Variants in SUPT5H observed in about 807,000 individuals in gnomAD.
The protein encoded by SUPT5H is transcription elongation factor SPT5.
In SUPT5H, 24 loss-of-function variants were observed where a neutral mutation model predicts 142.5. The ratio of observed to expected loss-of-function variants is 0.17; its 90% confidence interval spans 0.12 to 0.24. The LOEUF (loss-of-function observed/expected upper bound fraction) is 0.24. Among genes scored for constraint, SUPT5H ranks in the 10% least tolerant of loss-of-function variants. The pLI is 1.00. For missense variants in SUPT5H, 893 were observed against 1,471.8 expected (o/e 0.61, Z 6.43); for synonymous variants, 546 against 553.0 (o/e 0.99, Z 0.18).
At chr19:39,471,760 T>C (rs1600723868) in intron 20 of SUPT5H, 30 bp downstream of exon 20, 2 of 1,603,120 alleles carry the variant, frequency 1.2e-6, no homozygotes, top group Admixed American at 1.7e-5. Flanking sequence ...ACCCTGTGCG[T>C]TGGGTACCTG....
intron 2 of SUPT5H, among the ~76,000 whole-genome samples, chr19:39,448,182 T>C (rs1231741968): frequency 5.3e-5 from 8 of 152,232 alleles, no homozygotes; most frequent in Non-Finnish European, 8.8e-5. Context: ...TTCATGTGGC[T>C]GTGTTCTGGA....
At chr19:39,475,501 G>A (rs2079392605) in intron 28 of SUPT5H, among the ~76,000 whole-genome samples, 1 of 151,692 alleles carries the variant, frequency 6.6e-6, no homozygotes, top group African/African-American at 2.4e-5. Context: ...AGCCATGAAG[G>A]AATCTAAGCA....
Position 39,470,650 on chromosome 19 carries a change from A to G in SUPT5H, c.1677+127A>G, listed in dbSNP as rs2079306577. 3.6e-6 allele frequency: 4 copies of G among 1,100,890 alleles called. No homozygotes were observed. In the Admixed American group the frequency reaches 8.5e-5, roughly 24 times the overall value. 68.2% of individuals were successfully genotyped at this position (1,100,890 alleles called of 1,614,324 possible). The stretch of plus-strand genomic sequence containing the variant: ...TTGCAGATCTGGCTCTGTCACTTAC[A>G]TCTGAATGGCTGATAGTGGGCACAT... On this transcript the variant is annotated intron_variant, in intron 18 of 29. Transcript: ENST00000432763. The surrounding 1 kb of genome is among the most constrained non-coding windows in gnomAD (Gnocchi z 5.8).
chr19:39,469,505 G>T lies in SUPT5H; in HGVS notation c.1374+107G>T, dbSNP rs774280525. On this transcript the variant is annotated intron_variant, in intron 16 of 29. Coordinates refer to ENST00000432763, the MANE Select transcript of SUPT5H (RefSeq NM_001111020.3). This position sits in a 1 kb window ranked among gnomAD's most constrained non-coding sequence, Gnocchi z 5.1. ...CTGGTGACACCTGGTTTCCAGGAGG[G>T]TAAGTTGAGGCCCTTCTAGCATTCT... 13 of 1,503,176 alleles carry T rather than the reference G, an allele frequency of 8.6e-6. No homozygotes were observed. The highest frequency in any genetic ancestry group is 1.1e-5 in the Non-Finnish European group (12 of 1,103,726). 93.1% of individuals were successfully genotyped at this position (1,503,176 alleles called of 1,614,324 possible). A position where few individuals can be genotyped will look rare whatever the true frequency, so the allele number is the denominator to read the frequency against.
At chr19:39,468,946 T>G (rs1341744034) in intron 14 of SUPT5H, 85 bp downstream of exon 14, 3 of 1,544,792 alleles carry the variant, frequency 1.9e-6, no homozygotes, top group East Asian at 4.5e-5. Context: ...GTTATCTGGT[T>G]CTGTCCCACT....
intron 2 of SUPT5H, among the ~76,000 whole-genome samples, chr19:39,447,748 T>C (rs2078971624): frequency 6.6e-6 from 1 of 152,196 alleles, no homozygotes; most frequent in Non-Finnish European, 1.5e-5. Context: ...TTATTTTTGT[T>C]TTATTTGTTT....
intron 3 of SUPT5H, among the ~76,000 whole-genome samples, chr19:39,455,593 C>T (rs2079077047): frequency 6.8e-6 from 1 of 148,146 alleles, no homozygotes. Context: ...ATAGTGGTGG[C>T]GGGGTGGATT....
chr19:39,460,535 T>C (rs878754), intron 10 of SUPT5H, among the ~76,000 whole-genome samples: 91,070 of 151,950 alleles, frequency 0.6, 28,083 homozygotes, highest in African/African-American at 0.74. Flanking sequence ...GTCAGGAGTT[T>C]GAGACCAGCC....
In SUPT5H at chr19:39,470,631, A is replaced by C. The variant is rs1181351498; in HGVS notation, c.1677+108A>C. The C allele has an allele frequency of 5.4e-6, 7 of 1,290,858 alleles. No individual in the cohort carries two copies. Among genetic ancestry groups the C allele is most frequent in the South Asian group, 1.8e-5 (1 of 55,628 alleles). 80.0% of individuals were successfully genotyped at this position (1,290,858 alleles called of 1,614,324 possible). Reference sequence around the variant, plus strand: ...GCCCCCAGACTGCTCTGGGTTGCAGATCTGGCTCTGTCACTTACATCTGAA... The same window carrying C: ...GCCCCCAGACTGCTCTGGGTTGCAGCTCTGGCTCTGTCACTTACATCTGAA... On this transcript the variant is annotated intron_variant, in intron 18 of 29. Transcript: ENST00000432763. The surrounding 1 kb of genome is among the most constrained non-coding windows in gnomAD (Gnocchi z 5.8).
intron 18 of SUPT5H, 86 bp from the exon 19 acceptor site, chr19:39,471,271 A>G: frequency 6.6e-7 from 1 of 1,514,550 alleles, no homozygotes; most frequent in South Asian, 1.2e-5. Context: ...TCCCACAAGG[A>G]AGGATTATCC....
chr19:39,471,220 C>A, intron 18 of SUPT5H, 137 bp from the exon 19 acceptor site: 1 of 1,063,194 alleles, frequency 9.4e-7, no homozygotes, highest in Non-Finnish European at 1.4e-6. Context: ...GCCTGCCCCG[C>A]AGCCAGGGAA....
chr19:39,452,365 G>T (rs1529732), intron 2 of SUPT5H, among the ~76,000 whole-genome samples: 92,938 of 151,594 alleles, frequency 0.61, 29,644 homozygotes, highest in African/African-American at 0.8. Context: ...AGGGAGAGAG[G>T]GCATGGAGGG....
chr19:39,468,996 A>G (rs1320712797), intron 14 of SUPT5H, 83 bp from the exon 15 acceptor site: 1 of 1,576,438 alleles, frequency 6.3e-7, no homozygotes, highest in Admixed American at 1.7e-5. Flanking sequence ...TTATTCCCCT[A>G]GGACCCACTC....
In SUPT5H at chr19:39,445,911, C is replaced by T. The variant is rs1342895456; in HGVS notation, c.21C>T (p.Ser7=). The T allele has an allele frequency of 1.2e-6, 2 of 1,613,568 alleles. No homozygotes were observed. Among genetic ancestry groups the T allele is most frequent in the East Asian group, 2.2e-5 (1 of 44,898 alleles). MSDSED[S]NFSEEEDSER... ...GGAAGATGTCGGACAGCGAGGACAG[C>T]AACTTTTCCGAGGAGGAGGACAGCG... is the stretch of plus-strand genomic sequence containing the variant. The change falls in exon 2 of 30, where the codon AGC becomes AGT. Residue 7 remains serine, a synonymous_variant. Coordinates refer to ENST00000432763, the MANE Select transcript of SUPT5H (RefSeq NM_001111020.3).
chr19:39,448,180 G>A (rs765483187), intron 2 of SUPT5H, among the ~76,000 whole-genome samples: 2 of 152,186 alleles, frequency 1.3e-5, no homozygotes, highest in Non-Finnish European at 2.9e-5. Context: ...ATTTCATGTG[G>A]CTGTGTTCTG....
At position 39,476,670 on chromosome 19, in the gene SUPT5H, A is replaced by G; in HGVS notation, c.*271A>G. ...ATAAAAAGAAGCTGTTTGGTCTAAA[A>G]GTGCGTGTGTGTGTGTGTGTGTGTG... is the stretch of plus-strand genomic sequence containing the variant. On this transcript the variant is annotated 3_prime_UTR_variant, in exon 30 of 30. Transcript: ENST00000432763. 2.9e-6 allele frequency: 1 copy of G among 342,944 alleles called. No homozygotes were observed. The highest frequency in any genetic ancestry group is 8.5e-4 in the Middle Eastern group (1 of 1,170). 21.2% of individuals were successfully genotyped at this position (342,944 alleles called of 1,614,324 possible).
chr19:39,474,848 C>G lies in SUPT5H; in HGVS notation c.3024+130C>G. ...GCTGGGATTGAGGAAGCCTAGAGGG[C>G]AAGGGGAGCTATGTGAACCCAAAGG... On this transcript the variant is annotated intron_variant, in intron 28 of 29. Coordinates refer to ENST00000432763, the MANE Select transcript of SUPT5H (RefSeq NM_001111020.3). This position sits in a 1 kb window ranked among gnomAD's most constrained non-coding sequence, Gnocchi z 6.5. The G allele has an allele frequency of 9.5e-7, 1 of 1,050,682 alleles. No homozygotes were observed. Among genetic ancestry groups the G allele is most frequent in the Non-Finnish European group, 1.4e-6 (1 of 722,464 alleles). 65.1% of individuals were successfully genotyped at this position (1,050,682 alleles called of 1,614,324 possible). A position where few individuals can be genotyped will look rare whatever the true frequency, so the allele number is the denominator to read the frequency against.
rs1397312044 is a variant in SUPT5H at position 39,474,216 on chromosome 19, T to A, written c.2652-18T>A. 1.9e-6 allele frequency: 3 copies of A among 1,613,710 alleles called. No homozygotes were observed. The highest frequency in any genetic ancestry group is 8.5e-7 in the Non-Finnish European group (1 of 1,179,888). Reference sequence around the variant, plus strand: ...CTCCCTCCTCCAACAAATGCCCCCTTCTCTCCTGTCTCTGCAGGTACAACA... The same window carrying A: ...CTCCCTCCTCCAACAAATGCCCCCTACTCTCCTGTCTCTGCAGGTACAACA... On this transcript the variant is annotated intron_variant, in intron 26 of 29. Coordinates refer to ENST00000432763, the MANE Select transcript of SUPT5H (RefSeq NM_001111020.3). This position sits in a 1 kb window ranked among gnomAD's most constrained non-coding sequence, Gnocchi z 6.5.
intron 18 of SUPT5H, 139 bp from the exon 19 acceptor site, chr19:39,471,218 C>A (rs540622223): frequency 2.9e-6 from 3 of 1,037,622 alleles, no homozygotes; most frequent in Non-Finnish European, 2.8e-6. Context: ...CTGCCTGCCC[C>A]GCAGCCAGGG....
Sources: allele counts gnomAD v4.1 joint callset (sites outside exome capture counted in the v4.1 genomes callset), GRCh38; gene constraint gnomAD v4.1.1; non-coding constraint Gnocchi (gnomAD v3.1); transcripts MANE v1.5; gene names NCBI Gene and HGNC (gene_info 2026-07-23, HGNC 2026-07-21).